Variants in CTNNA2 observed in about 807,000 individuals in gnomAD.
CTNNA2 encodes the protein catenin alpha-2.
CTNNA2 carries 42 observed loss-of-function variants against 101.0 expected under a neutral mutation model. The observed-to-expected ratio is 0.42, with a 90% CI of 0.32 to 0.54. The LOEUF (loss-of-function observed/expected upper bound fraction) is 0.54. Ranked by LOEUF, CTNNA2 falls within the 20% of genes least tolerant of loss-of-function variation. The pLI is 0.14. For synonymous variants in CTNNA2, 450 were observed against 456.4 expected, an observed-to-expected ratio of 0.99 and a Z score of 0.18; for missense variants, 871 against 1,223.1, an observed-to-expected ratio of 0.71 and a Z score of 4.29.
At chr2:80,267,092 AC>A (rs1469736660) in intron 7 of CTNNA2, among the ~76,000 whole-genome samples, 2 of 152,114 alleles carry the variant, frequency 1.3e-5, no homozygotes, top group Non-Finnish European at 2.9e-5. Context: ...CCAGAGGGAC[AC>A]CGCCTCAAGA....
chr2:79,653,688 T>A (rs1681415218), intron 2 of CTNNA2, among the ~76,000 whole-genome samples: 1 of 152,140 alleles, frequency 6.6e-6, no homozygotes, highest in Admixed American at 6.6e-5. Flanking sequence ...ACGTTGAGAA[T>A]TTTCCCAATC....
At chr2:80,383,107 G>C (rs1474406528) in intron 7 of CTNNA2, among the ~76,000 whole-genome samples, 1 of 152,082 alleles carries the variant, frequency 6.6e-6, no homozygotes, top group Non-Finnish European at 1.5e-5. Flanking sequence ...AAGCTCAGGG[G>C]GTTGGCACTA....
At chr2:79,555,837 G>A (rs946705394) in intron 1 of CTNNA2, among the ~76,000 whole-genome samples, 4 of 152,236 alleles carry the variant, frequency 2.6e-5, no homozygotes, top group East Asian at 1.9e-4. Context: ...AGACTGAGCT[G>A]AGTAAGTAAA....
chr2:79,999,697 T>A (rs1692802055), intron 7 of CTNNA2, among the ~76,000 whole-genome samples: 3 of 152,194 alleles, frequency 2.0e-5, no homozygotes. Flanking sequence ...TTTTACTCAT[T>A]TAGTCATTCA....
rs561035906 is a variant in CTNNA2 at position 80,205,728 on chromosome 2, T to C, written c.1057-187483T>C. On this transcript the variant is annotated intron_variant, in intron 7 of 18. Transcript: ENST00000402739. ...TTCCAGATTGCTAAACCTTCTCTAT[T>C]GAAACTCTTCTGTATGTCTTAAGGT... is the stretch of plus-strand genomic sequence containing the variant. Among the ~76,000 whole-genome samples, 12 of 152,326 alleles carry C rather than the reference T, an allele frequency of 7.9e-5. No individual in the cohort carries two copies. The South Asian group carries it at 1.9e-3, about 24-fold the overall frequency.
At chr2:79,448,459 AT>A (rs1678856427) in intron 4 of CTNNA2, among the ~76,000 whole-genome samples, 1 of 152,178 alleles carries the variant, frequency 6.6e-6, no homozygotes, top group African/African-American at 2.4e-5. Context: ...TGTTCAAAGA[AT>A]TTTTATATTT....
At chr2:80,537,867 A>G (rs1228533681) in intron 9 of CTNNA2, among the ~76,000 whole-genome samples, 1 of 152,150 alleles carries the variant, frequency 6.6e-6, no homozygotes, top group African/African-American at 2.4e-5. Context: ...TGCTGGGATT[A>G]CAAGCATGAG....
At chr2:79,501,576 C>T (rs1267039340) in intron 4 of CTNNA2, among the ~76,000 whole-genome samples, 1 of 152,154 alleles carries the variant, frequency 6.6e-6, no homozygotes, top group Admixed American at 6.5e-5. Flanking sequence ...CACTAGATTG[C>T]TTATAGAAAC....
chr2:79,670,353 G>A (rs1309571527), intron 2 of CTNNA2, among the ~76,000 whole-genome samples: 1 of 152,142 alleles, frequency 6.6e-6, no homozygotes, highest in East Asian at 1.9e-4. Flanking sequence ...CTGTAGCCCC[G>A]CCCTCCTGGG....
chr2:80,523,376 GA>G (rs548136666), intron 9 of CTNNA2, among the ~76,000 whole-genome samples: 53 of 152,248 alleles, frequency 3.5e-4, no homozygotes, highest in African/African-American at 1.3e-3. Context: ...TGTAAATTGA[GA>G]GAAGAAACTC....
chr2:80,177,612 A>T (rs1301018006), intron 7 of CTNNA2, among the ~76,000 whole-genome samples: 1 of 152,148 alleles, frequency 6.6e-6, no homozygotes, highest in East Asian at 1.9e-4. Flanking sequence ...CTGGGGAAAG[A>T]GACTGAGTGG....
chr2:79,883,676 A>G (rs1200043131), intron 6 of CTNNA2, among the ~76,000 whole-genome samples: 2 of 152,226 alleles, frequency 1.3e-5, no homozygotes, highest in Admixed American at 1.3e-4. Flanking sequence ...GAGGAATGTT[A>G]AAAGCAATTC....
chr2:79,384,849 A>G (rs976847941), intron 4 of CTNNA2, among the ~76,000 whole-genome samples: 6 of 152,312 alleles, frequency 3.9e-5, no homozygotes, highest in African/African-American at 1.4e-4. Context: ...ACTAGTTCAC[A>G]TTAACTTATA....
Position 80,569,787 on chromosome 2 carries a change from C to T in CTNNA2, c.1742-4376C>T, listed in dbSNP as rs188653180. Among the ~76,000 whole-genome samples, 633 of 150,944 alleles carry T rather than the reference C, an allele frequency of 4.2e-3. 4 individuals are homozygous for T. Among genetic ancestry groups the T allele is most frequent in the African/African-American group, 0.015 (617 of 41,206 alleles). ...CCTCCCAAGTAGCTGGGACTACAGG[C>T]ACCCGCCACCACACCCAGCTAATTT... On this transcript the variant is annotated intron_variant, in intron 12 of 18. Transcript: ENST00000402739.
intron 3 of CTNNA2, among the ~76,000 whole-genome samples, chr2:79,789,726 G>T (rs1675125060): frequency 6.6e-6 from 1 of 152,102 alleles, no homozygotes; most frequent in South Asian, 2.1e-4. Flanking sequence ...GAAATGGGAA[G>T]TGGAAGGAAA....
At chr2:80,118,990 A>T (rs1189349827) in intron 7 of CTNNA2, among the ~76,000 whole-genome samples, 1 of 152,254 alleles carries the variant, frequency 6.6e-6, no homozygotes, top group Admixed American at 6.5e-5. Flanking sequence ...TTAAATGTGG[A>T]TGCAATACGC....
chr2:79,398,414 A>T (rs1448333408), intron 4 of CTNNA2, among the ~76,000 whole-genome samples: 3 of 152,108 alleles, frequency 2.0e-5, no homozygotes, highest in Non-Finnish European at 4.4e-5. Flanking sequence ...AAAGTAACTC[A>T]TGCCTATAGT....
At chr2:79,976,690 GCTTT>G in intron 7 of CTNNA2, among the ~76,000 whole-genome samples, 1 of 152,164 alleles carries the variant, frequency 6.6e-6, no homozygotes, top group Non-Finnish European at 1.5e-5. Context: ...AGACAATAAA[GCTTT>G]GAGAAATTTA....
At chr2:80,537,654 C>T (rs1187484294) in intron 9 of CTNNA2, among the ~76,000 whole-genome samples, 1 of 151,472 alleles carries the variant, frequency 6.6e-6, no homozygotes, top group African/African-American at 2.4e-5. Context: ...AGTGCAATGG[C>T]ATGATCTCAG....
Sources: allele counts gnomAD v4.1 joint callset (sites outside exome capture counted in the v4.1 genomes callset), GRCh38; gene constraint gnomAD v4.1.1; transcripts MANE v1.5; gene names NCBI Gene and HGNC (gene_info 2026-07-23, HGNC 2026-07-21).